Variants in IL1RL1 observed in about 807,000 individuals in gnomAD.
IL1RL1 encodes interleukin 1 receptor like 1.
IL1RL1 carries 32 observed loss-of-function variants against 50.9 expected under a neutral mutation model. The observed-to-expected ratio is 0.63, with a 90% CI of 0.47 to 0.84. The LOEUF (loss-of-function observed/expected upper bound fraction) is 0.84. Among genes scored for constraint, IL1RL1 ranks in the 40% least tolerant of loss-of-function variants. The pLI is 0.00. For synonymous variants in IL1RL1, 275 were observed against 236.0 expected (o/e 1.17, Z -1.51); for missense variants, 773 against 662.9 (o/e 1.17, Z -1.82).
intron 1 of IL1RL1, among the ~76,000 whole-genome samples, chr2:102,335,044 G>A (rs917458901): frequency 5.3e-5 from 8 of 152,150 alleles, no homozygotes; most frequent in Admixed American, 5.2e-4. Flanking sequence ...AGGGAGAGTA[G>A]TTATGAGAAG....
intron 1 of IL1RL1, among the ~76,000 whole-genome samples, chr2:102,312,656 A>G (rs560797039): frequency 6.6e-6 from 1 of 152,152 alleles, no homozygotes; most frequent in African/African-American, 2.4e-5. Flanking sequence ...TAGAGAACGG[A>G]CATGAGAGGG....
At chr2:102,331,618 T>C (rs989516145) in intron 1 of IL1RL1, among the ~76,000 whole-genome samples, 3 of 152,210 alleles carry the variant, frequency 2.0e-5, no homozygotes, top group Admixed American at 2.0e-4. Context: ...TCAGGTCTCA[T>C]CTTCCGATAA....
Position 102,347,928 on chromosome 2 carries a change from T to C in IL1RL1, c.971-17T>C, listed in dbSNP as rs1218195092. 6.4e-6 allele frequency: 9 copies of C among 1,412,692 alleles called. No individual in the cohort carries two copies. The highest frequency in any genetic ancestry group is 9.0e-6 in the Non-Finnish European group (9 of 1,002,302). The allele number at this position is 1,412,692 out of a possible 1,614,324, so 87.5% of individuals were successfully genotyped here. A position where few individuals can be genotyped will look rare whatever the true frequency, so the allele number is the denominator to read the frequency against. On this transcript the variant is annotated splice_polypyrimidine_tract_variant and intron_variant, in intron 8 of 10. Transcript: ENST00000233954. ...TGTTTCAGTAGTAATAATAATCTTT[T>C]TCTTTCTTTTGAATAGTTGATCATC... is the stretch of plus-strand genomic sequence containing the variant.
chr2:102,318,058 C>T (rs761038633), intron 1 of IL1RL1, among the ~76,000 whole-genome samples: 1 of 152,110 alleles, frequency 6.6e-6, no homozygotes, highest in African/African-American at 2.4e-5. Context: ...AGGTGACAGA[C>T]CCCCAGGGGG....
intron 1 of IL1RL1, among the ~76,000 whole-genome samples, chr2:102,336,190 A>T (rs538117028): frequency 2.4e-3 from 360 of 152,296 alleles, no homozygotes; most frequent in Non-Finnish European, 4.1e-3. Context: ...GGATTCTGTG[A>T]TTAGTCTAGT....
At chr2:102,322,309 C>A (rs1676859131) in intron 1 of IL1RL1, among the ~76,000 whole-genome samples, 1 of 152,170 alleles carries the variant, frequency 6.6e-6, no homozygotes, top group African/African-American at 2.4e-5. Flanking sequence ...ATCCTTCATG[C>A]TTTTGTGTTG....
chr2:102,320,158 T>C (rs918279166), intron 1 of IL1RL1, among the ~76,000 whole-genome samples: 2 of 152,236 alleles, frequency 1.3e-5, no homozygotes, highest in African/African-American at 2.4e-5. Flanking sequence ...AAAAACTGTT[T>C]GGTGCCTATA....
chr2:102,313,044 A>T (rs1477770852), intron 1 of IL1RL1: 3 of 152,034 alleles, frequency 2.0e-5, no homozygotes, highest in African/African-American at 7.3e-5. Flanking sequence ...TATTCCATGC[A>T]GAGGTTTGGA....
At chr2:102,325,465 A>G (rs1284183398) in intron 1 of IL1RL1, among the ~76,000 whole-genome samples, 3 of 152,242 alleles carry the variant, frequency 2.0e-5, no homozygotes, top group Non-Finnish European at 4.4e-5. Context: ...CCAGAGGAAC[A>G]CAGCTCCTCA....
intron 1 of IL1RL1, among the ~76,000 whole-genome samples, chr2:102,324,051 A>G (rs960222098): frequency 2.8e-5 from 4 of 143,750 alleles, no homozygotes; most frequent in Non-Finnish European, 6.0e-5. Context: ...CCATTGTATG[A>G]ATATAGAATA....
intron 1 of IL1RL1, among the ~76,000 whole-genome samples, chr2:102,332,880 G>A (rs1677214204): frequency 6.6e-6 from 1 of 152,290 alleles, no homozygotes; most frequent in African/African-American, 2.4e-5. Flanking sequence ...GTTAGGCTAA[G>A]TCTCACAGAG....
At chr2:102,331,124 G>C (rs573111785) in intron 1 of IL1RL1, among the ~76,000 whole-genome samples, 33 of 152,146 alleles carry the variant, frequency 2.2e-4, no homozygotes, top group Non-Finnish European at 4.0e-4. Flanking sequence ...ATACCACACT[G>C]TTTTCACTAT....
intron 1 of IL1RL1, among the ~76,000 whole-genome samples, chr2:102,328,512 C>G (rs1013348513): frequency 2.0e-5 from 3 of 152,100 alleles, no homozygotes; most frequent in Non-Finnish European, 2.9e-5. Flanking sequence ...CCAGGGCAAT[C>G]AGGCAGGAGA....
intron 2 of IL1RL1, 40 bp from the exon 3 acceptor site, chr2:102,338,797 T>C (rs1465923285): frequency 7.0e-6 from 10 of 1,425,250 alleles, no homozygotes; most frequent in African/African-American, 2.8e-5. Flanking sequence ...ATCTTTTCAT[T>C]TGATCATTTC....
intron 5 of IL1RL1, chr2:102,341,225 A>G: frequency 8.4e-7 from 1 of 1,183,588 alleles, no homozygotes; most frequent in Non-Finnish European, 1.1e-6. Context: ...AAAAGAGCTT[A>G]ATCTTTAGTA....
At position 102,343,301 on chromosome 2, in the gene IL1RL1, G is replaced by C; in HGVS notation, c.856G>C (p.Val286Leu). 1 of 1,614,230 alleles carries C rather than the reference G, an allele frequency of 6.2e-7. No homozygotes were observed. Among genetic ancestry groups the C allele is most frequent in the Non-Finnish European group, 8.5e-7 (1 of 1,180,044 alleles). The change falls in exon 8 of 11, where the codon GTT (valine) becomes CTT (leucine). Residue 286 changes from valine (V) to leucine (L), a missense_variant. Coordinates refer to ENST00000233954, the MANE Select transcript of IL1RL1 (RefSeq NM_016232.5). ...CAATGGGCTGGCTTGTCTAGACATG[G>C]TTTTAAGAATAGCTGACGTGAAGGA... is the stretch of plus-strand genomic sequence containing the variant. ...FSNGLACLDM[V>L]LRIADVKEED...
chr2:102,348,974 T>A, intron 9 of IL1RL1, 105 bp from the exon 10 acceptor site: 1 of 799,260 alleles, frequency 1.3e-6, no homozygotes, highest in South Asian at 1.6e-5. Flanking sequence ...GAGGATGACA[T>A]ACATTCACCA....
intron 2 of IL1RL1, among the ~76,000 whole-genome samples, 194 bp downstream of exon 2, chr2:102,338,519 T>C (rs993743131): frequency 6.6e-6 from 1 of 152,208 alleles, no homozygotes; most frequent in Non-Finnish European, 1.5e-5. Context: ...TATCATCAGT[T>C]TGGCTTTGCA....
chr2:102,342,745 T>C (rs764382781), intron 6 of IL1RL1, among the ~76,000 whole-genome samples: 1 of 152,104 alleles, frequency 6.6e-6, no homozygotes, highest in Non-Finnish European at 1.5e-5. Flanking sequence ...TTACTAGAAA[T>C]CCTTTGTAAT....
Sources: allele counts gnomAD v4.1 joint callset (sites outside exome capture counted in the v4.1 genomes callset), GRCh38; gene constraint gnomAD v4.1.1; transcripts MANE v1.5; gene names NCBI Gene and HGNC (gene_info 2026-07-23, HGNC 2026-07-21).